The following SLC5A10 variants were observed in gnomAD, a reference collection of about 807,000 sequenced individuals.
SLC5A10 encodes solute carrier family 5 member 10.
A neutral mutation model predicts 68.9 loss-of-function variants in SLC5A10; 55 were observed. The observed-to-expected ratio is 0.80, with a 90% CI of 0.64 to 1.00. SLC5A10 has a LOEUF of 1.00. Ranked by LOEUF, SLC5A10 falls within the 50% of genes least tolerant of loss-of-function variation. SLC5A10 has a pLI of 0.00. For missense variants in SLC5A10, 732 were observed against 819.3 expected (o/e 0.89, Z 1.30); for synonymous variants, 344 against 344.8 (o/e 1.00, Z 0.02).
chr17:18,985,390 A>G (rs2043244894), intron 9 of SLC5A10, among the ~76,000 whole-genome samples: 1 of 152,176 alleles, frequency 6.6e-6, no homozygotes, highest in Admixed American at 6.5e-5. Context: ...CCAAACTGGC[A>G]CCTGACACCC....
chr17:18,974,281 C>T (rs1275452254), intron 8 of SLC5A10, among the ~76,000 whole-genome samples: 3 of 152,254 alleles, frequency 2.0e-5, no homozygotes, highest in South Asian at 2.1e-4. Context: ...CCATCTTGGC[C>T]TCCCAAAGTG....
At chr17:18,966,240 C>G (rs115666250) in intron 5 of SLC5A10, among the ~76,000 whole-genome samples, 281 of 152,232 alleles carry the variant, frequency 1.8e-3, no homozygotes, top group African/African-American at 6.6e-3. Flanking sequence ...CACCTCTGGA[C>G]AGCAGCCTGG....
At position 18,988,361 on chromosome 17, in the gene SLC5A10, C is replaced by T. The variant is rs143682625; in HGVS notation, c.982+11372C>T. 8.1e-4 allele frequency: 1,313 copies of T among 1,614,244 alleles called. 9 individuals carry two copies. The African/African-American group carries it at 0.014, about 17-fold the overall frequency. On this transcript the variant is annotated intron_variant, in intron 9 of 14. Transcript: ENST00000395645. ...CTTTCCTCTTGAAGCCGGCGTCCAG[C>T]AGGTCCTTGAAGATGTCCACGTCGG...
intron 9 of SLC5A10, among the ~76,000 whole-genome samples, chr17:18,991,216 C>T (rs550782937): frequency 3.9e-5 from 6 of 152,286 alleles, no homozygotes; most frequent in South Asian, 4.1e-4. Flanking sequence ...GAGCCCAGGA[C>T]GGGGCCTGGT....
chr17:18,961,660 G>A (rs2042615623), intron 5 of SLC5A10, among the ~76,000 whole-genome samples: 1 of 152,192 alleles, frequency 6.6e-6, no homozygotes, highest in Non-Finnish European at 1.5e-5. Flanking sequence ...TGCAGAGGCC[G>A]GAGAGGTAGA....
chr17:18,992,009 C>T lies in SLC5A10; in HGVS notation c.982+15020C>T, dbSNP rs183871459. The stretch of plus-strand genomic sequence containing the variant: ...AGGCTGCACTGGAGGGAAACACCAG[C>T]AGGGATGTGGGCACTCCTCCAGTGA... On this transcript the variant is annotated intron_variant, in intron 9 of 14. Coordinates refer to ENST00000395645, the MANE Select transcript of SLC5A10 (RefSeq NM_001042450.4). Among the ~76,000 whole-genome samples, 39 of 152,296 alleles carry T rather than the reference C, an allele frequency of 2.6e-4. 1 individual carries two copies. The highest frequency in any genetic ancestry group is 2.5e-3 in the Admixed American group (38 of 15,306).
rs1384307583 is a variant in SLC5A10, at chr17:18,969,414, C to T, written c.632C>T (p.Thr211Ile). Residue 211 changes from threonine (T) to isoleucine (I), a missense_variant, in exon 7 of 15, where the codon ACA (threonine) becomes ATA (isoleucine). Physicochemically the swap from Thr to Ile is moderately conservative, Grantham distance 89 (BLOSUM62 -1). Coordinates refer to ENST00000395645, the MANE Select transcript of SLC5A10 (RefSeq NM_001042450.4). Reference protein sequence around the residue: ...LIMVVGAVILTIKAFDQIGGY... With the variant: ...LIMVVGAVILIIKAFDQIGGY... ...ATGGTGGTGGGGGCTGTCATCCTGACAATCAAAGGTGAGGACAGAGTCTGT... is the reference window on the plus strand; with the variant it reads ...ATGGTGGTGGGGGCTGTCATCCTGATAATCAAAGGTGAGGACAGAGTCTGT... The T allele has an allele frequency of 3.7e-6, 6 of 1,613,580 alleles. No individual in the cohort carries two copies. The African/African-American group carries it at 6.7e-5, about 18-fold the overall frequency.
rs2043558681 is a variant in SLC5A10 at position 18,995,911 on chromosome 17, T to TC, written c.983-17499_983-17498insC. ...CAACAGAGTAAGACTCTGTCTCAAT[T>TC]AAAAAAAAAAAAAAAAGACTAAATC... is the stretch of plus-strand genomic sequence containing the variant. On this transcript the variant is annotated intron_variant, in intron 9 of 14. Transcript: ENST00000395645. 1.4e-4 allele frequency among the ~76,000 whole-genome samples: 17 copies of TC among 125,356 alleles called. No homozygotes were observed. The South Asian group carries it at 4.1e-3, about 30-fold the overall frequency. 82.2% of individuals were successfully genotyped at this position (125,356 alleles called of 152,430 possible). A position where few individuals can be genotyped will look rare whatever the true frequency, so the allele number is the denominator to read the frequency against.
chr17:18,978,366 G>C lies in SLC5A10; in HGVS notation c.982+1377G>C, dbSNP rs1237893589. The C allele has an allele frequency of 1.9e-6, 3 of 1,595,988 alleles. No homozygotes were observed. The South Asian group carries it at 3.4e-5, about 18-fold the overall frequency. ...CTGGGCTGGGGGTTCCAGATGTTGG[G>C]GTCGATGATATTGATGTAGCCCAGG... On this transcript the variant is annotated intron_variant, in intron 9 of 14. Transcript: ENST00000395645.
chr17:18,954,126 C>T (rs948115360), intron 1 of SLC5A10: 2 of 152,250 alleles, frequency 1.3e-5, no homozygotes, highest in African/African-American at 4.8e-5. Context: ...AAGTGAAAAT[C>T]TGTTGCAAAC....
At chr17:18,997,146 G>C (rs892590419) in intron 9 of SLC5A10, among the ~76,000 whole-genome samples, 2 of 152,274 alleles carry the variant, frequency 1.3e-5, no homozygotes, top group African/African-American at 4.8e-5. Flanking sequence ...GGCTGCAGTG[G>C]GTTGGGGTCA....
intron 1 of SLC5A10, among the ~76,000 whole-genome samples, chr17:18,955,645 A>G (rs1268353518): frequency 1.3e-5 from 2 of 152,274 alleles, no homozygotes; most frequent in Admixed American, 1.3e-4. Context: ...CAGCGTACAC[A>G]TCTGGATATG....
chr17:18,963,982 A>G (rs910634678), intron 5 of SLC5A10, among the ~76,000 whole-genome samples: 2 of 152,118 alleles, frequency 1.3e-5, no homozygotes, highest in African/African-American at 4.8e-5. Context: ...CGCTTCCATG[A>G]ACACACCAGG....
At chr17:18,989,924 T>G (rs1413531187) in intron 9 of SLC5A10, among the ~76,000 whole-genome samples, 2 of 152,176 alleles carry the variant, frequency 1.3e-5, no homozygotes, top group African/African-American at 4.8e-5. Context: ...ACGTTTAGTC[T>G]CGGAGAGCCT....
At chr17:18,998,412 C>T (rs2043624556) in intron 9 of SLC5A10, among the ~76,000 whole-genome samples, 1 of 152,242 alleles carries the variant, frequency 6.6e-6, no homozygotes, top group South Asian at 2.1e-4. Flanking sequence ...GCAGGGAGAC[C>T]CTCTCCAGCC....
At chr17:18,977,604 A>G (rs1216830867) in intron 9 of SLC5A10, 3 of 1,608,848 alleles carry the variant, frequency 1.9e-6, no homozygotes, top group Admixed American at 3.3e-5. Context: ...TTGTCTGTGG[A>G]GCGCTGGGCC....
Position 18,959,238 on chromosome 17 carries a change from ATGTGAGTCCTGGAGGACT to A in SLC5A10, c.288_288+17del, listed in dbSNP as rs2042566336. 6.2e-7 allele frequency: 1 copy of A among 1,612,934 alleles called. No individual in the cohort carries two copies. Among genetic ancestry groups the A allele is most frequent in the Non-Finnish European group, 8.5e-7 (1 of 1,179,956 alleles). Reference sequence around the variant, plus strand: ...CTGGCCGTGGCAGGCTTCGAGTGGAATGTGAGTCCTGGAGGACTGGCGGCCTGTGGGAGGGCCAGGGCA... The same window carrying A: ...CTGGCCGTGGCAGGCTTCGAGTGGAAGGCGGCCTGTGGGAGGGCCAGGGCA... On this transcript the variant is annotated splice_donor_variant and splice_donor_5th_base_variant and coding_sequence_variant and intron_variant, in exon 3 of 15. Transcript: ENST00000395645. LOFTEE classifies it high-confidence loss of function.
intron 13 of SLC5A10, 54 bp from the exon 14 acceptor site, chr17:19,020,101 A>ACGCC: frequency 8.1e-7 from 1 of 1,227,276 alleles, no homozygotes; most frequent in Non-Finnish European, 1.2e-6. Context: ...TGTCTGGGTC[A>ACGCC]CCCCCACCCT....
In SLC5A10 at chr17:19,003,704, G is replaced by T; in HGVS notation, c.983-9706G>T. The T allele has an allele frequency of 6.2e-7, 1 of 1,606,442 alleles. No homozygotes were observed. The highest frequency in any genetic ancestry group is 8.5e-7 in the Non-Finnish European group (1 of 1,176,306). On this transcript the variant is annotated intron_variant, in intron 9 of 14. Transcript: ENST00000395645. The surrounding 1 kb of genome is among the most constrained non-coding windows in gnomAD (Gnocchi z 4.5). The stretch of plus-strand genomic sequence containing the variant: ...GGGCCAGTACTCCAGGGAGGGCAGC[G>T]GCTCGGCCTCGATGGGGACCCCATC...
Sources: gnomAD v4.1 joint callset for allele counts (sites outside exome capture counted in the v4.1 genomes callset) on GRCh38, gnomAD v4.1.1 for gene constraint, Gnocchi (gnomAD v3.1) non-coding constraint, MANE v1.5 for transcripts, NCBI Gene and HGNC (gene_info 2026-07-23, HGNC 2026-07-21) for gene names.